The following TMEM132B variants were observed in gnomAD, a reference collection of about 807,000 sequenced individuals.
TMEM132B encodes the protein transmembrane protein 132B.
Under a neutral mutation model 90.8 loss-of-function variants are expected in TMEM132B, and 18 were observed. The ratio of observed to expected loss-of-function variants is 0.20; its 90% CI spans 0.14 to 0.29. The LOEUF is 0.29. Among genes scored for constraint, TMEM132B ranks in the 10% least tolerant of loss-of-function variants. The pLI is 1.00. For synonymous variants in TMEM132B, 504 were observed against 523.3 expected, an observed-to-expected ratio of 0.96 and a Z score of 0.50; for missense variants, 1,096 against 1,326.8, an observed-to-expected ratio of 0.83 and a Z score of 2.70.
intron 4 of TMEM132B, among the ~76,000 whole-genome samples, chr12:125,526,336 C>T (rs1312782516): frequency 1.3e-5 from 2 of 152,230 alleles, no homozygotes; most frequent in East Asian, 3.8e-4. Flanking sequence ...GGCAGGGATG[C>T]CATCCACTGT....
At chr12:125,639,255 A>C (rs1334136651) in intron 5 of TMEM132B, among the ~76,000 whole-genome samples, 1 of 152,240 alleles carries the variant, frequency 6.6e-6, no homozygotes, top group East Asian at 1.9e-4. Flanking sequence ...CCAAGGCCTC[A>C]CATTTATCAG....
chr12:125,576,150 A>T (rs578247765), intron 4 of TMEM132B, among the ~76,000 whole-genome samples: 109 of 152,138 alleles, frequency 7.2e-4, no homozygotes, highest in South Asian at 6.2e-3. Context: ...TATTTTTAAA[A>T]TTTTTTCAAC....
At chr12:125,501,814 G>A (rs4430574) in intron 3 of TMEM132B, among the ~76,000 whole-genome samples, 15,598 of 152,198 alleles carry the variant, frequency 0.1, 1,298 homozygotes, top group Admixed American at 0.27. Flanking sequence ...GATTATTCAT[G>A]TACTGTATAG....
At chr12:125,318,852 T>A (rs1214574785) in intron 1 of TMEM132B, among the ~76,000 whole-genome samples, 1 of 152,230 alleles carries the variant, frequency 6.6e-6, no homozygotes, top group Non-Finnish European at 1.5e-5. Context: ...ATTATAAAAA[T>A]CCTCTTGTAA....
At chr12:125,573,369 C>CA (rs1884851718) in intron 4 of TMEM132B, among the ~76,000 whole-genome samples, 1 of 152,150 alleles carries the variant, frequency 6.6e-6, no homozygotes. Context: ...TTTTTAAACT[C>CA]AATTTTCTAG....
intron 1 of TMEM132B, among the ~76,000 whole-genome samples, chr12:125,314,873 A>G (rs1341993828): frequency 6.6e-6 from 1 of 152,186 alleles, no homozygotes; most frequent in Non-Finnish European, 1.5e-5. Flanking sequence ...ACTGGCTGCC[A>G]TGTGGGAGGT....
intron 4 of TMEM132B, among the ~76,000 whole-genome samples, chr12:125,575,850 T>C (rs1038346284): frequency 3.3e-5 from 5 of 152,134 alleles, no homozygotes; most frequent in African/African-American, 9.6e-5. Context: ...TTGAAATCCT[T>C]GTTGAAAATC....
chr12:125,564,801 G>C (rs1884623352), intron 4 of TMEM132B, among the ~76,000 whole-genome samples: 1 of 152,206 alleles, frequency 6.6e-6, no homozygotes, highest in Non-Finnish European at 1.5e-5. Flanking sequence ...GCATTCAAAA[G>C]CACAAACACA....
chr12:125,393,078 G>T (rs1015135545), intron 2 of TMEM132B, among the ~76,000 whole-genome samples: 1 of 152,244 alleles, frequency 6.6e-6, no homozygotes, highest in African/African-American at 2.4e-5. Flanking sequence ...AGAGGCATAA[G>T]CACCTTCCTT....
At chr12:125,586,825 A>C (rs545950656) in intron 5 of TMEM132B, 6 of 152,346 alleles carry the variant, frequency 3.9e-5, no homozygotes, top group African/African-American at 1.4e-4. Flanking sequence ...TGCTTCTTTT[A>C]AGTGAAAAGG....
chr12:125,544,324 A>T (rs1243935076), intron 4 of TMEM132B, among the ~76,000 whole-genome samples: 1 of 152,210 alleles, frequency 6.6e-6, no homozygotes. Flanking sequence ...CATCCTGCCC[A>T]TGTACCCCGG....
intron 3 of TMEM132B, among the ~76,000 whole-genome samples, chr12:125,487,938 A>C (rs1361719351): frequency 6.6e-6 from 1 of 152,194 alleles, no homozygotes; most frequent in Non-Finnish European, 1.5e-5. Flanking sequence ...TATTATGATT[A>C]AATGTTTCCT....
chr12:125,438,671 TCTTC>T (rs3070201), intron 3 of TMEM132B, among the ~76,000 whole-genome samples: 82,993 of 151,572 alleles, frequency 0.55, 24,187 homozygotes, highest in African/African-American at 0.77. Context: ...CCTTCCTCCT[TCTTC>T]CTTCCTTCCT....
intron 3 of TMEM132B, among the ~76,000 whole-genome samples, chr12:125,449,513 G>GT (rs1390340129): frequency 6.6e-6 from 1 of 151,814 alleles, no homozygotes; most frequent in African/African-American, 2.4e-5. Context: ...TTTTTTTAAT[G>GT]TTTCCCAAGA....
chr12:125,651,000 G>A, intron 7 of TMEM132B, 47 bp downstream of exon 7: 1 of 1,602,382 alleles, frequency 6.2e-7, no homozygotes, highest in Non-Finnish European at 8.5e-7. Context: ...GTTGATGAGT[G>A]GCCAGGTAGA....
At chr12:125,258,372 CTA>C (rs1874487290) in intron 1 of TMEM132B, among the ~76,000 whole-genome samples, 1 of 152,164 alleles carries the variant, frequency 6.6e-6, no homozygotes, top group African/African-American at 2.4e-5. Flanking sequence ...TGGGAAGGCT[CTA>C]TGCTGGTGGT....
chr12:125,377,500 C>G (rs1419549304), intron 2 of TMEM132B, among the ~76,000 whole-genome samples: 2 of 152,208 alleles, frequency 1.3e-5, no homozygotes, highest in African/African-American at 4.8e-5. Context: ...TGCCTCAGTA[C>G]CCCCTGCTAT....
At chr12:125,337,604 G>A (rs6488999) in intron 1 of TMEM132B, among the ~76,000 whole-genome samples, 29,166 of 152,126 alleles carry the variant, frequency 0.19, 2,946 homozygotes, top group East Asian at 0.32. Flanking sequence ...TACGGTCGAC[G>A]AGGAAGTTTT....
intron 1 of TMEM132B, among the ~76,000 whole-genome samples, chr12:125,191,813 G>C (rs1406124224): frequency 1.4e-5 from 2 of 142,658 alleles, no homozygotes; most frequent in Non-Finnish European, 3.2e-5. Flanking sequence ...TCATGCACTG[G>C]AATACTGGTT....
Sources: gnomAD v4.1 joint callset for allele counts (sites outside exome capture counted in the v4.1 genomes callset) on GRCh38, gnomAD v4.1.1 for gene constraint, MANE v1.5 for transcripts, NCBI Gene and HGNC (gene_info 2026-07-23, HGNC 2026-07-21) for gene names.